DNAI3: variants seen among roughly 807,000 people sequenced by gnomAD.
The protein encoded by DNAI3 is WD repeat domain 63.
In DNAI3, 83 loss-of-function variants were observed where a neutral mutation model predicts 115.5. That is an observed-to-expected ratio of 0.72 (90% CI 0.60 to 0.86). DNAI3 has a LOEUF of 0.86. DNAI3 is among the 40% of genes least tolerant of loss of function. The probability of loss-of-function intolerance (pLI) is 0.00; values close to 1 mark genes in which losing one functional copy is unlikely to be tolerated. For synonymous variants in DNAI3, 320 were observed against 347.0 expected (o/e 0.92, Z 0.86); for missense variants, 1,004 against 1,075.8 (o/e 0.93, Z 0.93).
rs779375363 is a variant in DNAI3 at position 85,081,429 on chromosome 1, C to A, written c.285+14C>A. The A allele has an allele frequency of 2.6e-6, 4 of 1,537,174 alleles. No homozygotes were observed. Among genetic ancestry groups the A allele is most frequent in the Non-Finnish European group, 3.5e-6 (4 of 1,151,184 alleles). ...AAAATTGTCCAGGTAAGCACAATAT[C>A]CCTATTTATTTTCAGTCCTACCTCA... On this transcript the variant is annotated intron_variant, in intron 4 of 22. Transcript: ENST00000294664.
Position 85,132,971 on chromosome 1 carries a change from G to A in DNAI3, c.2649G>A (p.Glu883=), listed in dbSNP as rs760882545. The A allele has an allele frequency of 1.9e-6, 3 of 1,613,646 alleles. No individual in the cohort carries two copies. The South Asian group carries it at 3.3e-5, about 18-fold the overall frequency. ...LINLGLIKVT[E]KGSYMEVM ...ACCTTGGCCTAATCAAAGTCACAGA[G>A]AAGGGGTCATACATGGAGGTGATGT... is the stretch of plus-strand genomic sequence containing the variant. The change falls in exon 23 of 23, where the codon GAG becomes GAA. Residue 883 remains glutamate, a synonymous_variant. Coordinates refer to ENST00000294664, the MANE Select transcript of DNAI3 (RefSeq NM_145172.5).
intron 1 of DNAI3, among the ~76,000 whole-genome samples, chr1:85,068,832 G>T (rs1343644655): frequency 6.6e-6 from 1 of 152,196 alleles, no homozygotes; most frequent in Non-Finnish European, 1.5e-5. Context: ...TACTTGCTTA[G>T]GCCAATAGAA....
At chr1:85,112,742 C>T (rs1385532975) in intron 16 of DNAI3, among the ~76,000 whole-genome samples, 1 of 152,120 alleles carries the variant, frequency 6.6e-6, no homozygotes, top group Admixed American at 6.6e-5. Context: ...CTGTTCAAAT[C>T]TTTTGCCCAT....
At chr1:85,108,763 C>T (rs561233632) in intron 15 of DNAI3, among the ~76,000 whole-genome samples, 1 of 152,252 alleles carries the variant, frequency 6.6e-6, no homozygotes, top group East Asian at 1.9e-4. Context: ...CAACCTTTGC[C>T]TCCCTTCTTT....
At chr1:85,086,083 G>C (rs774272462) in intron 7 of DNAI3, 53 bp downstream of exon 7, 74 of 1,522,258 alleles carry the variant, frequency 4.9e-5, no homozygotes, top group Non-Finnish European at 6.3e-5. Flanking sequence ...GTAAAATCTA[G>C]TAACTTCCAT....
intron 14 of DNAI3, among the ~76,000 whole-genome samples, chr1:85,105,062 T>C (rs1365942889): frequency 2.0e-5 from 3 of 152,226 alleles, no homozygotes; most frequent in African/African-American, 4.8e-5. Flanking sequence ...TCCCAGTTTA[T>C]AGAACTAAGA....
At chr1:85,103,636 C>T (rs1475364790) in intron 13 of DNAI3, among the ~76,000 whole-genome samples, 1 of 152,012 alleles carries the variant, frequency 6.6e-6, no homozygotes, top group Non-Finnish European at 1.5e-5. Context: ...CCTCTAATCC[C>T]AGCATTTTCA....
At chr1:85,120,441 T>C (rs967116574) in intron 17 of DNAI3, among the ~76,000 whole-genome samples, 3 of 152,198 alleles carry the variant, frequency 2.0e-5, no homozygotes, top group Admixed American at 2.0e-4. Context: ...ATTACAGAAG[T>C]GGCTAGAGAA....
intron 16 of DNAI3, among the ~76,000 whole-genome samples, chr1:85,114,890 A>G (rs1156665131): frequency 6.6e-6 from 1 of 152,158 alleles, no homozygotes; most frequent in African/African-American, 2.4e-5. Flanking sequence ...TTTGTCTGCC[A>G]TTTTAGGTCC....
rs767717241 is a variant in DNAI3, at chr1:85,081,336, T to C, written c.206T>C (p.Ile69Thr). Residue 69 changes from isoleucine (I) to threonine (T), a missense_variant, in exon 4 of 23, where the codon ATC (isoleucine) becomes ACC (threonine). Physicochemically the swap from Ile to Thr is moderately conservative, Grantham distance 89. Transcript: ENST00000294664. The stretch of plus-strand genomic sequence containing the variant: ...ACAGATGAACAACCTTATAAGCTTA[T>C]CAATAAAGAAGACATTTTTGAGGAC... Reference protein sequence around the residue: ...DVTDEQPYKLINKEDIFEDLR... With the variant: ...DVTDEQPYKLTNKEDIFEDLR... 6.2e-7 allele frequency: 1 copy of C among 1,605,496 alleles called. No homozygotes were observed. Among genetic ancestry groups the C allele is most frequent in the East Asian group, 2.2e-5 (1 of 44,484 alleles).
intron 13 of DNAI3, among the ~76,000 whole-genome samples, chr1:85,103,782 G>T (rs141384398): frequency 1.3e-4 from 20 of 151,536 alleles, no homozygotes; most frequent in Non-Finnish European, 2.5e-4. Flanking sequence ...AGCTACTCAG[G>T]AGGCTGACCC....
chr1:85,083,854 C>T (rs1336515055), intron 5 of DNAI3, among the ~76,000 whole-genome samples: 3 of 151,960 alleles, frequency 2.0e-5, no homozygotes, highest in South Asian at 4.1e-4. Context: ...TGTGGTTTTA[C>T]ACTTTACCAT....
intron 13 of DNAI3, among the ~76,000 whole-genome samples, chr1:85,103,704 T>G (rs2100592202): frequency 6.6e-6 from 1 of 151,936 alleles, no homozygotes; most frequent in Middle Eastern, 3.4e-3. Context: ...CTGGCCAACA[T>G]AGCGAAACCC....
intron 15 of DNAI3, among the ~76,000 whole-genome samples, chr1:85,108,573 T>C (rs919248482): frequency 5.3e-5 from 8 of 152,164 alleles, no homozygotes; most frequent in African/African-American, 1.7e-4. Flanking sequence ...CCAATAACAA[T>C]GATAAGTTTC....
At chr1:85,071,522 A>G (rs1353549682) in intron 1 of DNAI3, among the ~76,000 whole-genome samples, 3 of 152,246 alleles carry the variant, frequency 2.0e-5, no homozygotes, top group Non-Finnish European at 4.4e-5. Context: ...TGTCACTCCC[A>G]GTGGCCTATC....
intron 21 of DNAI3, among the ~76,000 whole-genome samples, chr1:85,129,221 G>A (rs183177433): frequency 2.0e-5 from 3 of 148,814 alleles, no homozygotes; most frequent in Admixed American, 6.7e-5. Flanking sequence ...CTGAACTGGC[G>A]GTATTCTGCA....
intron 17 of DNAI3, among the ~76,000 whole-genome samples, chr1:85,118,295 A>G (rs1655893279): frequency 6.6e-6 from 1 of 152,202 alleles, no homozygotes; most frequent in Non-Finnish European, 1.5e-5. Flanking sequence ...TTTTCTAAGG[A>G]CATACTGTAA....
intron 3 of DNAI3, among the ~76,000 whole-genome samples, chr1:85,078,614 C>T (rs749885626): frequency 6.6e-6 from 1 of 152,190 alleles, no homozygotes; most frequent in Non-Finnish European, 1.5e-5. Flanking sequence ...TCAGTGTGTG[C>T]CTCAAAGCCT....
At chr1:85,124,480 C>G (rs1166089914) in intron 19 of DNAI3, among the ~76,000 whole-genome samples, 1 of 152,166 alleles carries the variant, frequency 6.6e-6, no homozygotes, top group African/African-American at 2.4e-5. Context: ...GTTCCTTGTT[C>G]TCTGAAACTT....
Sources: allele counts gnomAD v4.1 joint callset (sites outside exome capture counted in the v4.1 genomes callset), GRCh38; gene constraint gnomAD v4.1.1; transcripts MANE v1.5; gene names NCBI Gene and HGNC (gene_info 2026-07-23, HGNC 2026-07-21).